The following SLC5A11 variants were observed in gnomAD, a reference collection of about 807,000 sequenced individuals.
SLC5A11 encodes the protein solute carrier family 5 member 11.
In SLC5A11, 48 loss-of-function variants were observed where a neutral mutation model predicts 69.8. The observed-to-expected ratio is 0.69, with a 90% CI of 0.55 to 0.87. The LOEUF (loss-of-function observed/expected upper bound fraction) is 0.87. Ranked by LOEUF, SLC5A11 falls within the 40% of genes least tolerant of loss-of-function variation. SLC5A11 has a pLI of 0.00. For synonymous variants in SLC5A11, 319 were observed against 342.4 expected (o/e 0.93, Z 0.75); for missense variants, 784 against 866.1 (o/e 0.91, Z 1.19).
chr16:24,883,135 C>T (rs888098675), intron 7 of SLC5A11, among the ~76,000 whole-genome samples: 1 of 152,164 alleles, frequency 6.6e-6, no homozygotes, highest in African/African-American at 2.4e-5. Context: ...GAGGCCGAGG[C>T]AGGAGGACTG....
At chr16:24,894,192 A>G (rs945337128) in intron 9 of SLC5A11, among the ~76,000 whole-genome samples, 1 of 152,074 alleles carries the variant, frequency 6.6e-6, no homozygotes, top group East Asian at 1.9e-4. Flanking sequence ...AAATCGCTCC[A>G]TTGACTCATT....
chr16:24,902,339 A>T lies in SLC5A11; in HGVS notation c.1006+4230A>T, dbSNP rs963010723. ...GTAAAGGTTAAGGGGGAAAAAAAAA[A>T]GGAATCCAGGATCACTCCTAAGCTA... is the stretch of plus-strand genomic sequence containing the variant. On this transcript the variant is annotated intron_variant, in intron 10 of 15. Coordinates refer to ENST00000347898, the Ensembl canonical transcript of SLC5A11. 5.3e-5 allele frequency among the ~76,000 whole-genome samples: 8 copies of T among 152,146 alleles called. No individual in the cohort carries two copies. In the East Asian group the frequency reaches 5.8e-4, roughly 11 times the overall value.
Position 24,850,899 on chromosome 16 carries a change from C to G in SLC5A11, c.-25+4461C>G, listed in dbSNP as rs546386804. On this transcript the variant is annotated intron_variant, in intron 1 of 15. Transcript: ENST00000347898. ...AATTTCAGCTCACTGCAACCTCCAC[C>G]TCCCAGGTTCAAGCGATTCTTCTGC... Among the ~76,000 whole-genome samples, 17 of 152,066 alleles carry G rather than the reference C, an allele frequency of 1.1e-4. No homozygotes were observed. The South Asian group carries it at 3.3e-3, about 30-fold the overall frequency.
chr16:24,857,637 C>G (rs2059591711), intron 1 of SLC5A11, among the ~76,000 whole-genome samples: 1 of 152,154 alleles, frequency 6.6e-6, no homozygotes, highest in Non-Finnish European at 1.5e-5. Context: ...TGAGTGAAAT[C>G]CTTCTCATGC....
exon 10 of SLC5A11, chr16:24,898,078 C>G (rs368600686): frequency 1.2e-6 from 2 of 1,614,096 alleles, no homozygotes; most frequent in Middle Eastern, 1.7e-4. Flanking sequence ...TAATGGTGTT[C>G]CCTGGGATGG....
chr16:24,906,228 C>T (rs186887500), intron 10 of SLC5A11, among the ~76,000 whole-genome samples: 1 of 151,720 alleles, frequency 6.6e-6, no homozygotes, highest in East Asian at 1.9e-4. Flanking sequence ...GTAATCCCAG[C>T]TTCTCGGGAG....
chr16:24,883,827 T>C (rs563901654), intron 7 of SLC5A11, among the ~76,000 whole-genome samples: 1 of 152,218 alleles, frequency 6.6e-6, no homozygotes, highest in Non-Finnish European at 1.5e-5. Flanking sequence ...GCCAAGCCCA[T>C]GTGAGAAGCG....
chr16:24,896,388 G>A (rs1230003149), intron 9 of SLC5A11, among the ~76,000 whole-genome samples: 7 of 151,814 alleles, frequency 4.6e-5, no homozygotes, highest in African/African-American at 1.5e-4. Context: ...TCAGCTACTT[G>A]AAAGACTGAG....
intron 15 of SLC5A11, 84 bp from the exon 17 acceptor site, chr16:24,911,244 A>T (rs981872572): frequency 1.4e-5 from 19 of 1,311,376 alleles, no homozygotes; most frequent in African/African-American, 2.9e-5. Context: ...CCAGCACTTG[A>T]ACACATCTGG....
intron 8 of SLC5A11, among the ~76,000 whole-genome samples, 175 bp downstream of exon 9, chr16:24,884,306 C>CT (rs913567312): frequency 6.6e-6 from 1 of 152,036 alleles, no homozygotes; most frequent in African/African-American, 2.4e-5. Flanking sequence ...GAGAAATGTG[C>CT]TTATTGTGGA....
intron 2 of SLC5A11, among the ~76,000 whole-genome samples, chr16:24,860,038 C>A (rs767133510): frequency 3.0e-4 from 45 of 152,184 alleles, no homozygotes; most frequent in Non-Finnish European, 6.2e-4. Context: ...GTAATCCCAG[C>A]ACTTTGGGAG....
At chr16:24,873,666 A>G (rs561602662) in intron 5 of SLC5A11, among the ~76,000 whole-genome samples, 2 of 151,574 alleles carry the variant, frequency 1.3e-5, no homozygotes, top group East Asian at 3.9e-4. Flanking sequence ...CCGTCTCTAA[A>G]AAAGAAAAAT....
At chr16:24,873,954 G>A (rs1355443344) in intron 5 of SLC5A11, among the ~76,000 whole-genome samples, 1 of 151,038 alleles carries the variant, frequency 6.6e-6, no homozygotes, top group Non-Finnish European at 1.5e-5. Flanking sequence ...AACCTCCCAA[G>A]TAGCTGGGAT....
intron 9 of SLC5A11, among the ~76,000 whole-genome samples, chr16:24,896,215 G>A (rs1223992748): frequency 6.6e-6 from 1 of 151,760 alleles, no homozygotes; most frequent in Non-Finnish European, 1.5e-5. Context: ...AACATAAAAT[G>A]TAGCCAAGTG....
intron 9 of SLC5A11, among the ~76,000 whole-genome samples, chr16:24,896,481 T>A (rs2049173553): frequency 6.6e-6 from 1 of 151,718 alleles, no homozygotes; most frequent in Non-Finnish European, 1.5e-5. Context: ...GGCAACAGAG[T>A]GAGACCCCAT....
At chr16:24,858,697 G>C (rs34080398) in exon 2 of SLC5A11, 1 of 1,611,554 alleles carries the variant, frequency 6.2e-7, no homozygotes, top group Admixed American at 1.7e-5. Context: ...CCCTGGATGC[G>C]TTTCCCCAGA....
intron 2 of SLC5A11, chr16:24,859,362 ATTC>A (rs1465026408): frequency 3.9e-5 from 6 of 152,102 alleles, no homozygotes; most frequent in Non-Finnish European, 7.3e-5. Flanking sequence ...CTGGTCTCAA[ATTC>A]CTGGGCTCAA....
chr16:24,862,494 T>A, intron 2 of SLC5A11, 107 bp from the exon 4 acceptor site: 1 of 686,622 alleles, frequency 1.5e-6, no homozygotes, highest in Admixed American at 2.5e-5. Flanking sequence ...TATCCGAATC[T>A]GGCCCTCAGG....
chr16:24,886,775 C>T (rs769787577), intron 8 of SLC5A11, among the ~76,000 whole-genome samples: 12 of 151,930 alleles, frequency 7.9e-5, no homozygotes, highest in Admixed American at 1.3e-4. Context: ...AAAGCAAGAC[C>T]CCACTCTATG....
Sources: allele counts gnomAD v4.1 joint callset (sites outside exome capture counted in the v4.1 genomes callset), GRCh38; gene constraint gnomAD v4.1.1; transcripts MANE v1.5; gene names NCBI Gene and HGNC (gene_info 2026-07-23, HGNC 2026-07-21).